ABCB4: variants seen among roughly 807,000 people sequenced by gnomAD.
ABCB4 encodes the protein phosphatidylcholine translocator ABCB4.
In ABCB4, 76 loss-of-function variants were observed where a neutral mutation model predicts 145.7. The observed-to-expected ratio is 0.52, with a 90% CI of 0.43 to 0.63. ABCB4 has a LOEUF of 0.63. ABCB4 is among the 30% of genes least tolerant of loss of function. ABCB4 has a pLI of 0.00. For synonymous variants in ABCB4, 517 were observed against 566.8 expected (o/e 0.91, Z 1.25); for missense variants, 1,234 against 1,553.1 (o/e 0.79, Z 3.45).
intron 25 of ABCB4, 126 bp downstream of exon 25, chr7:87,407,911 T>C (rs1219896080): frequency 1.6e-5 from 20 of 1,219,302 alleles, no homozygotes; most frequent in South Asian, 2.5e-5. Context: ...TTGGGGTTTA[T>C]AGAATGTGGT....
intron 14 of ABCB4, 128 bp downstream of exon 14, chr7:87,439,539 C>T (rs1810829203): frequency 2.7e-6 from 3 of 1,118,860 alleles, no homozygotes; most frequent in East Asian, 2.4e-5. Context: ...AAGGAGAAAT[C>T]AATACAGCTC....
rs762862613 is a variant in ABCB4, at chr7:87,408,171, C to T, written c.3145G>A (p.Val1049Met). The T allele has an allele frequency of 1.1e-5, 17 of 1,614,194 alleles. No individual in the cohort carries two copies. The highest frequency in any genetic ancestry group is 1.6e-4 in the Middle Eastern group (1 of 6,062). The change falls in exon 25 of 28, where the codon GTG becomes ATG. Residue 1049 changes from valine (V) to methionine (M), a missense_variant. Around this residue, in one of 7 missense-constraint regions of ABCB4, gnomAD observed 301 missense variants for 389.0 expected, o/e 0.77. Coordinates refer to ENST00000649586, the MANE Select transcript of ABCB4 (RefSeq NM_000443.4). ...VVFNYPTRAN[V>M]PVLQGLSLEV... ...AGGCTCAGCCCCTGAAGCACTGGCA[C>T]GTTTGCTCGGGTGGGATAGTTGAAC...
intron 26 of ABCB4, 51 bp from the exon 27 acceptor site, chr7:87,403,332 T>C (rs748895934): frequency 6.6e-7 from 1 of 1,519,470 alleles, no homozygotes; most frequent in Non-Finnish European, 9.1e-7. Context: ...TGCTTAACAG[T>C]TGACAGTTCT....
intron 23 of ABCB4, among the ~76,000 whole-genome samples, chr7:87,410,736 A>T (rs1210102169): frequency 6.6e-6 from 1 of 152,136 alleles, no homozygotes; most frequent in Non-Finnish European, 1.5e-5. Flanking sequence ...ACTATCATGA[A>T]CTGAATCAAA....
the ABCB4 span, chr7:87,382,639 C>G: frequency 7.9e-7 from 1 of 1,270,644 alleles, no homozygotes; most frequent in Non-Finnish European, 1.1e-6. Flanking sequence ...TATTTTTGCT[C>G]ACTTTTTTCC....
At chr7:87,366,626 A>G in the ABCB4 span, among the ~76,000 whole-genome samples, 7 of 152,134 alleles carry the variant, frequency 4.6e-5, no homozygotes, top group Non-Finnish European at 8.8e-5. Flanking sequence ...CAGTTTAATG[A>G]TGCTACTGCT....
In ABCB4 at chr7:87,423,980, C is replaced by T. The variant is rs373122168; in HGVS notation, c.2137G>A (p.Val713Met). 155 of 1,613,946 alleles carry T rather than the reference C, an allele frequency of 9.6e-5. 2 individuals are homozygous for T. The highest frequency in any genetic ancestry group is 3.0e-4 in the South Asian group (27 of 91,086). ...TTGGCAATGGCACATACTGTTCCCA[C>T]GACAAAGTAGGGCCATTCTGTTTTA... is the stretch of plus-strand genomic sequence containing the variant. The part of the protein sequence containing the change: ...LNKTEWPYFV[V>M]GTVCAIANGG... Residue 713 changes from valine to methionine, a missense_variant, in exon 17 of 28, where the codon GTG (valine) becomes ATG (methionine). Val to Met is a conservative substitution (Grantham distance 21, BLOSUM62 1). Transcript: ENST00000649586.
chr7:87,426,134 C>T (rs1001165339), intron 16 of ABCB4, among the ~76,000 whole-genome samples: 3 of 151,970 alleles, frequency 2.0e-5, no homozygotes, highest in African/African-American at 7.3e-5. Context: ...TCTGGAAAAC[C>T]TCTTTGTTTC....
At chr7:87,460,112 C>A (rs1387991254) in intron 4 of ABCB4, among the ~76,000 whole-genome samples, 1 of 152,050 alleles carries the variant, frequency 6.6e-6, no homozygotes, top group Non-Finnish European at 1.5e-5. Context: ...GGGTGAGAAA[C>A]CCAGCTCCGC....
chr7:87,467,808 C>G (rs182765659), intron 3 of ABCB4, among the ~76,000 whole-genome samples: 1 of 151,990 alleles, frequency 6.6e-6, no homozygotes, highest in African/African-American at 2.4e-5. Context: ...GGGCACATAA[C>G]GAAATGAAGG....
intron 3 of ABCB4, among the ~76,000 whole-genome samples, chr7:87,463,972 A>G (rs1484198826): frequency 6.6e-6 from 1 of 152,072 alleles, no homozygotes; most frequent in Non-Finnish European, 1.5e-5. Flanking sequence ...CTTCTAGACT[A>G]CATTTTCCTC....
intron 2 of ABCB4, among the ~76,000 whole-genome samples, chr7:87,474,092 C>T (rs2116997407): frequency 6.6e-6 from 1 of 152,328 alleles, no homozygotes; most frequent in Non-Finnish European, 1.5e-5. Context: ...CTGCTTTCTT[C>T]TTTCCAGCAG....
the ABCB4 span, among the ~76,000 whole-genome samples, chr7:87,383,154 A>G: frequency 0.043 from 6,491 of 152,182 alleles, 442 homozygotes; most frequent in African/African-American, 0.15. Flanking sequence ...TGAAATATAC[A>G]ACAAATTATT....
chr7:87,467,852 A>G (rs1813040358), intron 3 of ABCB4, among the ~76,000 whole-genome samples: 1 of 152,256 alleles, frequency 6.6e-6, no homozygotes, highest in Non-Finnish European at 1.5e-5. Flanking sequence ...ACCAATGAGA[A>G]CAAAGACACA....
chr7:87,474,751 G>C (rs915657378), intron 2 of ABCB4, among the ~76,000 whole-genome samples: 17 of 152,154 alleles, frequency 1.1e-4, no homozygotes, highest in Admixed American at 9.2e-4. Context: ...AGTTTAACAA[G>C]GGCCAGGGGA....
chr7:87,403,739 C>G (rs528660465), intron 26 of ABCB4, among the ~76,000 whole-genome samples: 1 of 151,954 alleles, frequency 6.6e-6, no homozygotes, highest in Non-Finnish European at 1.5e-5. Flanking sequence ...CCATTATAAT[C>G]TTATGGGAAC....
intron 13 of ABCB4, 60 bp from the exon 14 acceptor site, chr7:87,439,897 T>A: frequency 3.7e-6 from 6 of 1,601,096 alleles, no homozygotes; most frequent in Middle Eastern, 1.7e-4. Context: ...GGCTAGGAAT[T>A]CTATAGAACT....
intron 17 of ABCB4, among the ~76,000 whole-genome samples, chr7:87,423,345 G>A (rs1809579521): frequency 6.6e-6 from 1 of 152,130 alleles, no homozygotes; most frequent in Non-Finnish European, 1.5e-5. Flanking sequence ...TTGCTAAAAT[G>A]GGGTGGCTAT....
In ABCB4 at chr7:87,409,139, G is replaced by T. The variant is rs1004671327; in HGVS notation, c.3081+97C>A. On this transcript the variant is annotated intron_variant, in intron 24 of 27. Transcript: ENST00000649586. ...TACAAATTAAATGAAACACATGTTGGTGTAATCATCACAAACTTATCCTGT... is the reference window on the plus strand; with the variant it reads ...TACAAATTAAATGAAACACATGTTGTTGTAATCATCACAAACTTATCCTGT... The T allele has an allele frequency of 2.9e-6, 4 of 1,372,390 alleles. No individual in the cohort carries two copies. In the African/African-American group the frequency reaches 4.3e-5, roughly 15 times the overall value. 85.0% of individuals were successfully genotyped at this position (1,372,390 alleles called of 1,614,324 possible). A position where few individuals can be genotyped will look rare whatever the true frequency, so the allele number is the denominator to read the frequency against.
Sources: allele counts gnomAD v4.1 joint callset (sites outside exome capture counted in the v4.1 genomes callset), GRCh38; gene constraint gnomAD v4.1.1; regional missense constraint gnomAD v4.1.1; transcripts MANE v1.5; gene names NCBI Gene and HGNC (gene_info 2026-07-23, HGNC 2026-07-21).